Variants in FBXL20 observed in about 807,000 individuals in gnomAD.
FBXL20 encodes F-box/LRR-repeat protein 20.
FBXL20 carries 11 observed loss-of-function variants against 64.0 expected under a neutral mutation model. The observed-to-expected ratio is 0.17, with a 90% confidence interval of 0.11 to 0.28. The LOEUF (loss-of-function observed/expected upper bound fraction) is 0.28. FBXL20 is among the 10% of genes least tolerant of loss of function. FBXL20 has a pLI of 1.00. For synonymous variants in FBXL20, 184 were observed against 189.0 expected, an observed-to-expected ratio of 0.97 and a Z score of 0.22; for missense variants, 303 against 526.2, an observed-to-expected ratio of 0.58 and a Z score of 4.15.
chr17:39,302,399 A>T (rs200446988), intron 3 of FBXL20, among the ~76,000 whole-genome samples: 1 of 131,646 alleles, frequency 7.6e-6, no homozygotes, highest in East Asian at 2.3e-4. Context: ...TTTGAGACGG[A>T]GTCTCGTTCT....
At chr17:39,327,311 A>G (rs1050970488) in intron 2 of FBXL20, among the ~76,000 whole-genome samples, 2 of 152,216 alleles carry the variant, frequency 1.3e-5, no homozygotes, top group African/African-American at 2.4e-5. Flanking sequence ...AACAAAAAAG[A>G]TAAATAATAA....
intron 12 of FBXL20, among the ~76,000 whole-genome samples, chr17:39,266,900 T>C (rs2046796883): frequency 6.6e-6 from 1 of 152,170 alleles, no homozygotes; most frequent in Admixed American, 6.5e-5. Flanking sequence ...GCGCCTATAG[T>C]CCCAACAATG....
chr17:39,373,318 G>C (rs137995825), intron 1 of FBXL20, among the ~76,000 whole-genome samples: 28 of 152,282 alleles, frequency 1.8e-4, no homozygotes, highest in African/African-American at 6.5e-4. Context: ...ACTTGGCTCA[G>C]AGTTCTGTGT....
At chr17:39,317,701 G>GTTTTTTTTTTTTTTTTTTTTTTTTT (rs1238194174) in intron 2 of FBXL20, among the ~76,000 whole-genome samples, 26 of 44,294 alleles carry the variant, frequency 5.9e-4, no homozygotes, top group Non-Finnish European at 8.1e-4. Context: ...TTTTTTTTTT[G>GTTTTTTTTTTTTTTTTTTTTTTTTT]TTTTTTTTTT....
intron 2 of FBXL20, among the ~76,000 whole-genome samples, chr17:39,316,570 C>T (rs1384512332): frequency 6.6e-6 from 1 of 152,174 alleles, no homozygotes; most frequent in Admixed American, 6.6e-5. Flanking sequence ...AAGGGGCTTC[C>T]ACTGGCCAAA....
At chr17:39,366,743 T>C (rs951266935) in intron 1 of FBXL20, among the ~76,000 whole-genome samples, 1 of 152,240 alleles carries the variant, frequency 6.6e-6, no homozygotes, top group Non-Finnish European at 1.5e-5. Flanking sequence ...TGCTGTGATA[T>C]ATAATGCCAT....
At chr17:39,396,538 G>A (rs943086200) in intron 1 of FBXL20, among the ~76,000 whole-genome samples, 4 of 150,688 alleles carry the variant, frequency 2.7e-5, no homozygotes, top group African/African-American at 9.8e-5. Flanking sequence ...GGAGGTTGCA[G>A]TGAGCCAAGA....
At chr17:39,302,491 A>AG in intron 3 of FBXL20, among the ~76,000 whole-genome samples, 1 of 150,488 alleles carries the variant, frequency 6.6e-6, no homozygotes, top group Non-Finnish European at 1.5e-5. Flanking sequence ...CTCCTGCCTC[A>AG]GCCTCCCGAG....
intron 2 of FBXL20, among the ~76,000 whole-genome samples, chr17:39,319,724 G>A (rs559746195): frequency 1.4e-5 from 2 of 148,102 alleles, no homozygotes; most frequent in Non-Finnish European, 3.0e-5. Context: ...ACTGGGAGGA[G>A]GTAGTGAAGG....
rs1211233098 is a variant in FBXL20, at chr17:39,264,330, C to A, written c.1048G>T (p.Ala350Ser). ...ACCTCCAGCTGGTCATGGGCGCAGGCCCCATTCCCCAGGTGACGAATTCCA... is the reference window on the plus strand; with the variant it reads ...ACCTCCAGCTGGTCATGGGCGCAGGACCCATTCCCCAGGTGACGAATTCCA... ...DDGIRHLGNGACAHDQLEVIE... is the reference protein window; with the variant it reads ...DDGIRHLGNGSCAHDQLEVIE... Residue 350 changes from alanine (A) to serine (S), a missense_variant, in exon 14 of 15, where the codon GCC becomes TCC. Physicochemically the swap from Ala to Ser is moderately conservative, Grantham distance 99 (BLOSUM62 1). Coordinates refer to ENST00000264658, the MANE Select transcript of FBXL20 (RefSeq NM_032875.3). The A allele has an allele frequency of 6.2e-7, 1 of 1,614,102 alleles. No individual in the cohort carries two copies. The highest frequency in any genetic ancestry group is 8.5e-7 in the Non-Finnish European group (1 of 1,180,042).
chr17:39,398,187 CAGT>C (rs998459048), intron 1 of FBXL20, among the ~76,000 whole-genome samples: 6 of 152,064 alleles, frequency 3.9e-5, no homozygotes, highest in South Asian at 2.1e-4. Context: ...GAGGCTGAGG[CAGT>C]AGAATCGCTT....
At chr17:39,364,280 C>G (rs1597822133) in intron 1 of FBXL20, among the ~76,000 whole-genome samples, 1 of 152,238 alleles carries the variant, frequency 6.6e-6, no homozygotes, top group South Asian at 2.1e-4. Context: ...TTTCCCACCC[C>G]TTGAATCTAG....
At chr17:39,307,249 A>G (rs1272254460) in intron 2 of FBXL20, among the ~76,000 whole-genome samples, 1 of 152,102 alleles carries the variant, frequency 6.6e-6, no homozygotes, top group Non-Finnish European at 1.5e-5. Context: ...AGGTAGATAA[A>G]AAATAAGTAA....
intron 1 of FBXL20, among the ~76,000 whole-genome samples, chr17:39,369,989 G>A (rs957683747): frequency 2.0e-5 from 3 of 152,004 alleles, no homozygotes; most frequent in Non-Finnish European, 1.5e-5. Flanking sequence ...AGTCCCAGCA[G>A]TTTGGGAGGC....
chr17:39,398,043 GGGGGGGGGGGGGGT>G (rs2048202302), intron 1 of FBXL20, among the ~76,000 whole-genome samples: 2 of 40,006 alleles, frequency 5.0e-5, no homozygotes, highest in Non-Finnish European at 5.1e-5. Context: ...CGGCGGGCGG[GGGGGGGGGGGGGGT>G]TGGATCACGA....
intron 2 of FBXL20, among the ~76,000 whole-genome samples, chr17:39,304,214 GT>G (rs34515467): frequency 6.6e-6 from 1 of 151,552 alleles, no homozygotes; most frequent in African/African-American, 2.4e-5. Flanking sequence ...TCTCTAGCTG[GT>G]TTTTTTAAAG....
At chr17:39,381,017 G>A (rs1056317955) in intron 1 of FBXL20, among the ~76,000 whole-genome samples, 4 of 152,164 alleles carry the variant, frequency 2.6e-5, no homozygotes, top group African/African-American at 9.6e-5. Flanking sequence ...AAAACTAGCA[G>A]GGCGTGGTGG....
chr17:39,334,483 A>T (rs574114685), intron 2 of FBXL20, among the ~76,000 whole-genome samples: 107 of 101,298 alleles, frequency 1.1e-3, no homozygotes, highest in Admixed American at 2.0e-3. Context: ...TAAAAAAATT[A>T]AAAAAAAAAA....
intron 1 of FBXL20, among the ~76,000 whole-genome samples, chr17:39,378,530 T>G (rs1317151193): frequency 2.0e-5 from 3 of 151,954 alleles, no homozygotes; most frequent in Admixed American, 2.0e-4. Flanking sequence ...CACAAAAAGA[T>G]GGTCAACATC....
Sources: gnomAD v4.1 joint callset for allele counts (sites outside exome capture counted in the v4.1 genomes callset) on GRCh38, gnomAD v4.1.1 for gene constraint, MANE v1.5 for transcripts, NCBI Gene and HGNC (gene_info 2026-07-23, HGNC 2026-07-21) for gene names.